TTC6: variants seen among roughly 807,000 people sequenced by gnomAD.
The protein encoded by TTC6 is tetratricopeptide repeat protein 6.
In TTC6, 172 loss-of-function variants were observed where a neutral mutation model predicts 210.4. The ratio of observed to expected loss-of-function variants is 0.82; its 90% CI spans 0.72 to 0.93. The LOEUF is 0.93. Among genes scored for constraint, TTC6 ranks in the 40% least tolerant of loss-of-function variants. TTC6 has a pLI of 0.00. For missense variants in TTC6, 2,414 were observed against 2,318.1 expected (o/e 1.04, Z -0.85); for synonymous variants, 804 against 819.6 (o/e 0.98, Z 0.32).
intron 7 of TTC6, among the ~76,000 whole-genome samples, chr14:37,729,505 A>G (rs2138868296): frequency 6.6e-6 from 1 of 152,314 alleles, no homozygotes; most frequent in Non-Finnish European, 1.5e-5. Flanking sequence ...GGGACTGAGC[A>G]CAAGGTGGTT....
chr14:37,760,394 G>A (rs1466471810), intron 14 of TTC6, among the ~76,000 whole-genome samples: 1 of 152,146 alleles, frequency 6.6e-6, no homozygotes, highest in Non-Finnish European at 1.5e-5. Context: ...AGGGGCACTG[G>A]CCTGATTCCA....
chr14:37,758,894 C>T (rs1254325440), intron 14 of TTC6, among the ~76,000 whole-genome samples: 1 of 152,118 alleles, frequency 6.6e-6, no homozygotes, highest in African/African-American at 2.4e-5. Flanking sequence ...GTGACAAAAT[C>T]CATCATCATT....
At chr14:37,825,934 G>A (rs949322398) in intron 27 of TTC6, among the ~76,000 whole-genome samples, 1 of 151,894 alleles carries the variant, frequency 6.6e-6, no homozygotes, top group Non-Finnish European at 1.5e-5. Context: ...TATGTTGTCC[G>A]GGATTGGTAC....
chr14:37,743,059 T>C (rs1189611092), intron 10 of TTC6, among the ~76,000 whole-genome samples: 1 of 152,236 alleles, frequency 6.6e-6, no homozygotes, highest in East Asian at 1.9e-4. Flanking sequence ...GTCTTACATC[T>C]CATCTCAGAT....
intron 14 of TTC6, among the ~76,000 whole-genome samples, chr14:37,761,906 G>A (rs55809310): frequency 0.16 from 23,657 of 151,908 alleles, 1,972 homozygotes; most frequent in East Asian, 0.26. Flanking sequence ...TAACATATCC[G>A]TCACCTCAAA....
At chr14:37,730,459 G>T (rs10151293) in intron 7 of TTC6, among the ~76,000 whole-genome samples, 84,205 of 151,936 alleles carry the variant, frequency 0.55, 24,084 homozygotes, top group African/African-American at 0.7. Context: ...TCTGCCATCT[G>T]CCACATTGGA....
intron 3 of TTC6, among the ~76,000 whole-genome samples, chr14:37,683,718 A>G (rs1020168224): frequency 4.7e-4 from 72 of 151,970 alleles, no homozygotes; most frequent in African/African-American, 1.7e-3. Context: ...CATAATGTAT[A>G]TAAGGTTCAG....
intron 17 of TTC6, 86 bp downstream of exon 19, chr14:37,792,500 T>C: frequency 8.8e-7 from 1 of 1,130,856 alleles, no homozygotes. Flanking sequence ...TATATATACA[T>C]ATTTTAGCTA....
chr14:37,779,962 G>A (rs570577188), intron 14 of TTC6, among the ~76,000 whole-genome samples: 56 of 152,186 alleles, frequency 3.7e-4, no homozygotes, highest in Non-Finnish European at 4.4e-4. Context: ...CCAGCTCTAG[G>A]AATAGAGTAA....
chr14:37,776,444 G>A (rs2096037808), intron 14 of TTC6, among the ~76,000 whole-genome samples: 1 of 152,032 alleles, frequency 6.6e-6, no homozygotes, highest in African/African-American at 2.4e-5. Context: ...TTTTGTAGTG[G>A]CTTGTAATGG....
intron 23 of TTC6, 150 bp from the exon 26 acceptor site, chr14:37,808,583 A>G (rs898815861): frequency 9.0e-6 from 4 of 442,968 alleles, no homozygotes; most frequent in Admixed American, 4.5e-5. Flanking sequence ...TCTGTGAAAG[A>G]TTAGCTTCAA....
Position 37,627,103 on chromosome 14 carries a change from C to A in TTC6, c.939+4100C>A, listed in dbSNP as rs184567910. Among the ~76,000 whole-genome samples, 180 of 152,150 alleles carry A rather than the reference C, an allele frequency of 1.2e-3. 1 individual carries two copies. The highest frequency in any genetic ancestry group is 4.2e-3 in the African/African-American group (174 of 41,518). ...TTAAAAATGTGTGGCCCCTTCCCCC[C>A]ACTCTCTCTTGCTCCTACTTTCATC... On this transcript the variant is annotated intron_variant, in intron 1 of 30. Transcript: ENST00000553443.
intron 9 of TTC6, among the ~76,000 whole-genome samples, chr14:37,738,204 A>G (rs1410768135): frequency 6.7e-6 from 1 of 150,282 alleles, no homozygotes; most frequent in East Asian, 1.9e-4. Flanking sequence ...AAATAATATT[A>G]TTAAAAATTA....
At chr14:37,622,234 C>T (rs947448001) in exon 1 of TTC6, 3 of 1,535,268 alleles carry the variant, frequency 2.0e-6, no homozygotes, top group Non-Finnish European at 1.7e-6. Flanking sequence ...CTCCATGCCC[C>T]CGGCCCGGCC....
At chr14:37,744,534 C>A (rs1219199231) in intron 10 of TTC6, among the ~76,000 whole-genome samples, 1 of 152,106 alleles carries the variant, frequency 6.6e-6, no homozygotes, top group African/African-American at 2.4e-5. Flanking sequence ...TTTTGAGGGA[C>A]AGCATAGAAG....
intron 21 of TTC6, among the ~76,000 whole-genome samples, chr14:37,805,610 G>A (rs1328781671): frequency 6.6e-6 from 1 of 152,152 alleles, no homozygotes; most frequent in Non-Finnish European, 1.5e-5. Flanking sequence ...CATGTTTTTA[G>A]TCCTTTTGAA....
intron 15 of TTC6, among the ~76,000 whole-genome samples, chr14:37,790,367 A>T (rs369577681): frequency 1.3e-5 from 2 of 152,160 alleles, no homozygotes; most frequent in Admixed American, 1.3e-4. Flanking sequence ...ATTCTAGGCC[A>T]GTCTTTGCCA....
chr14:37,682,399 G>A (rs2138558384), intron 2 of TTC6, among the ~76,000 whole-genome samples: 1 of 151,772 alleles, frequency 6.6e-6, no homozygotes, highest in East Asian at 1.9e-4. Flanking sequence ...ACCAACATGA[G>A]TTCAAGATTA....
chr14:37,738,686 A>T, intron 9 of TTC6, 90 bp from the exon 12 acceptor site: 1 of 1,088,326 alleles, frequency 9.2e-7, no homozygotes, highest in Non-Finnish European at 1.2e-6. Flanking sequence ...AAACCACATT[A>T]ATAGTAATTG....
Sources: gnomAD v4.1 joint callset for allele counts (sites outside exome capture counted in the v4.1 genomes callset) on GRCh38, gnomAD v4.1.1 for gene constraint, MANE v1.5 for transcripts, NCBI Gene and HGNC (gene_info 2026-07-23, HGNC 2026-07-21) for gene names.